The following TRIM33 variants were observed in gnomAD, a reference collection of about 807,000 sequenced individuals.
The protein encoded by TRIM33 is E3 ubiquitin-protein ligase TRIM33.
Under a neutral mutation model 125.4 loss-of-function variants are expected in TRIM33, and 20 were observed. The observed-to-expected ratio is 0.16, with a 90% CI of 0.11 to 0.23. TRIM33 has a LOEUF of 0.23. TRIM33 is among the 10% of genes least tolerant of loss of function. The probability of loss-of-function intolerance (pLI) is 1.00; values close to 1 mark genes in which losing one functional copy is unlikely to be tolerated. For missense variants in TRIM33, 920 were observed against 1,411.4 expected, an observed-to-expected ratio of 0.65 and a Z score of 5.58; for synonymous variants, 564 against 513.9, an observed-to-expected ratio of 1.10 and a Z score of -1.32.
intron 5 of TRIM33, 52 bp downstream of exon 5, chr1:114,433,565 C>G (rs1648100700): frequency 9.1e-7 from 1 of 1,094,340 alleles, no homozygotes; most frequent in Admixed American, 2.3e-5. Flanking sequence ...TAAACTGGAC[C>G]CACTTCTTTT....
chr1:114,457,653 A>G (rs958320466), intron 4 of TRIM33, among the ~76,000 whole-genome samples: 1 of 152,210 alleles, frequency 6.6e-6, no homozygotes, highest in African/African-American at 2.4e-5. Flanking sequence ...GCTGACTTTG[A>G]AACTACCTGA....
intron 4 of TRIM33, among the ~76,000 whole-genome samples, chr1:114,456,123 C>T (rs1451159630): frequency 6.6e-6 from 1 of 152,134 alleles, no homozygotes; most frequent in African/African-American, 2.4e-5. Context: ...GTTACGTCTT[C>T]ATTACCTGAA....
chr1:114,499,888 C>T (rs1325040796), intron 1 of TRIM33, among the ~76,000 whole-genome samples: 1 of 152,160 alleles, frequency 6.6e-6, no homozygotes, highest in Non-Finnish European at 1.5e-5. Context: ...AGGTCGGGCA[C>T]AGTGGCTCAC....
chr1:114,414,813 TAAGCATAATACAA>T (rs1652824490), intron 11 of TRIM33, among the ~76,000 whole-genome samples: 1 of 152,248 alleles, frequency 6.6e-6, no homozygotes, highest in Non-Finnish European at 1.5e-5. Flanking sequence ...ATTTTCCTAT[TAAGCATAATACAA>T]AAGCGTAATA....
intron 4 of TRIM33, among the ~76,000 whole-genome samples, chr1:114,444,748 G>T (rs1457453205): frequency 6.6e-6 from 1 of 152,206 alleles, no homozygotes; most frequent in African/African-American, 2.4e-5. Context: ...AATTTCTACA[G>T]TGTATTGTCC....
intron 11 of TRIM33, chr1:114,420,528 T>A (rs972798898): frequency 5.5e-6 from 4 of 730,684 alleles, no homozygotes; most frequent in African/African-American, 5.5e-5. Context: ...TACTTCTGTT[T>A]AGATATTCCC....
At chr1:114,430,174 G>T (rs999493118) in intron 6 of TRIM33, among the ~76,000 whole-genome samples, 1 of 151,962 alleles carries the variant, frequency 6.6e-6, no homozygotes, top group African/African-American at 2.4e-5. Flanking sequence ...ATCTTAAGGG[G>T]GTGGGGAAGA....
chr1:114,437,970 C>T (rs1472727156), intron 4 of TRIM33, among the ~76,000 whole-genome samples: 1 of 152,114 alleles, frequency 6.6e-6, no homozygotes, highest in East Asian at 1.9e-4. Context: ...GTGGCCCACA[C>T]CTGTAAGTCC....
At chr1:114,406,778 A>C (rs1452615122) in intron 14 of TRIM33, among the ~76,000 whole-genome samples, 163 bp downstream of exon 14, 1 of 152,248 alleles carries the variant, frequency 6.6e-6, no homozygotes, top group Non-Finnish European at 1.5e-5. Flanking sequence ...TGACTCTTAG[A>C]CAAAAAAGTT....
At chr1:114,496,264 A>C (rs1229807032) in intron 1 of TRIM33, among the ~76,000 whole-genome samples, 5 of 152,256 alleles carry the variant, frequency 3.3e-5, no homozygotes, top group Non-Finnish European at 4.4e-5. Flanking sequence ...GGGAAAAGAA[A>C]TGAGTTGTGT....
intron 10 of TRIM33, among the ~76,000 whole-genome samples, chr1:114,422,300 A>G (rs981589932): frequency 6.6e-6 from 1 of 152,200 alleles, no homozygotes; most frequent in African/African-American, 2.4e-5. Context: ...CTGTAGAGGT[A>G]TACCCAAAGT....
intron 1 of TRIM33, chr1:114,468,224 T>C (rs1464019379): frequency 8.6e-5 from 19 of 219,980 alleles, no homozygotes; most frequent in Non-Finnish European, 7.1e-5. Flanking sequence ...TGCAGTGGTG[T>C]GAGAGGTAAC....
chr1:114,410,234 C>T lies in TRIM33; in HGVS notation c.2144G>A (p.Ser715Asn), dbSNP rs759746487. 2 of 1,613,848 alleles carry T rather than the reference C, an allele frequency of 1.2e-6. No homozygotes were observed. Among genetic ancestry groups the T allele is most frequent in the African/African-American group, 1.3e-5 (1 of 74,880 alleles). The change falls in exon 12 of 20, where the codon AGC (serine) becomes AAC (asparagine). Residue 715 changes from serine (S) to asparagine (N), a missense_variant. Physicochemically the swap from Ser to Asn is conservative, Grantham distance 46. Coordinates refer to ENST00000358465, the MANE Select transcript of TRIM33 (RefSeq NM_015906.4). ...SGSHLPPQPT[S>N]TMNPSPGPSA... is the part of the protein sequence containing the mutation. ...GGGACCTGGAGAAGGATTCATGGTG[C>T]TTGTAGGCTGTGGGGGTAGGTGACT...
At chr1:114,486,994 G>C (rs1570649673) in intron 1 of TRIM33, among the ~76,000 whole-genome samples, 1 of 151,738 alleles carries the variant, frequency 6.6e-6, no homozygotes, top group East Asian at 1.9e-4. Flanking sequence ...GGCTGAAGCA[G>C]GCGAATCACT....
intron 4 of TRIM33, among the ~76,000 whole-genome samples, chr1:114,446,607 C>T (rs1648995166): frequency 6.6e-6 from 1 of 151,506 alleles, no homozygotes; most frequent in African/African-American, 2.4e-5. Context: ...AAATGGAACA[C>T]CAAAAACTAT....
intron 1 of TRIM33, among the ~76,000 whole-genome samples, chr1:114,474,056 ACTCGGTTAGTTTG>A (rs1650822619): frequency 6.6e-6 from 1 of 151,302 alleles, no homozygotes; most frequent in Non-Finnish European, 1.5e-5. Context: ...ACACCATCAC[ACTCGGTTAGTTTG>A]CTTAAATTTT....
Position 114,424,686 on chromosome 1 carries a change from G to T in TRIM33, c.1765C>A (p.Gln589Lys). Residue 589 changes from glutamine (Q) to lysine (K), a missense_variant, in exon 10 of 20, where the codon CAG becomes AAG. This residue lies in a region of TRIM33 where 407 missense variants were observed against 589.7 expected (regional missense o/e 0.69). Coordinates refer to ENST00000358465, the MANE Select transcript of TRIM33 (RefSeq NM_015906.4). Reference protein sequence around the residue: ...NMNCGAFQAHQMRLAQNAARI... With the variant: ...NMNCGAFQAHKMRLAQNAARI... The stretch of plus-strand genomic sequence containing the variant: ...GCAGCATTCTGAGCCAGTCTCATCT[G>T]ATGGGCTTGAAAAGCTCCACAGTTC... 1 of 1,611,548 alleles carries T rather than the reference G, an allele frequency of 6.2e-7. No individual in the cohort carries two copies. Among genetic ancestry groups the T allele is most frequent in the Non-Finnish European group, 8.5e-7 (1 of 1,178,568 alleles).
At chr1:114,468,609 A>G (rs1650450452) in intron 1 of TRIM33, 2 of 418,210 alleles carry the variant, frequency 4.8e-6, no homozygotes, top group Admixed American at 6.9e-5. Context: ...AAGAAGGTGT[A>G]AAGGATCTTA....
At chr1:114,501,364 T>C (rs1652704906) in intron 1 of TRIM33, among the ~76,000 whole-genome samples, 1 of 93,164 alleles carries the variant, frequency 1.1e-5, no homozygotes, top group African/African-American at 3.7e-5. Context: ...AGCTGGCAAG[T>C]TGGTGCTGGG....
Sources: gnomAD v4.1 joint callset for allele counts (sites outside exome capture counted in the v4.1 genomes callset) on GRCh38, gnomAD v4.1.1 for gene constraint, gnomAD v4.1.1 regional missense constraint, MANE v1.5 for transcripts, NCBI Gene and HGNC (gene_info 2026-07-23, HGNC 2026-07-21) for gene names.